Variants in ADAM29 observed in about 807,000 individuals in gnomAD.
ADAM29 encodes the protein ADAM metallopeptidase domain 29.
For synonymous variants in ADAM29, 367 were observed against 342.3 expected, an observed-to-expected ratio of 1.07 and a Z score of -0.80; for missense variants, 969 against 1,001.8, an observed-to-expected ratio of 0.97 and a Z score of 0.44.
chr4:174,949,950 C>A lies in ADAM29; in HGVS notation c.-181+12937C>A, dbSNP rs147783534. Among the ~76,000 whole-genome samples, 744 of 151,816 alleles carry A rather than the reference C, an allele frequency of 4.9e-3. 5 individuals are homozygous for A. Among genetic ancestry groups the A allele is most frequent in the African/African-American group, 0.017 (709 of 41,378 alleles). ...TTATTAACATTTCCTACATATAAAC[C>A]CCAAATTTTTCTTGAGAGTTTAAAA... On this transcript the variant is annotated intron_variant, in intron 4 of 4. Coordinates refer to ENST00000359240, the MANE Select transcript of ADAM29 (RefSeq NM_014269.4).
intron 2 of ADAM29, among the ~76,000 whole-genome samples, chr4:174,928,271 G>A (rs2110917656): frequency 6.6e-6 from 1 of 152,184 alleles, no homozygotes; most frequent in East Asian, 1.9e-4. Context: ...GGCTTTACAA[G>A]GCGAGGAACA....
intron 4 of ADAM29, among the ~76,000 whole-genome samples, chr4:174,965,589 A>C (rs537371384): frequency 6.6e-6 from 1 of 152,196 alleles, no homozygotes; most frequent in South Asian, 2.1e-4. Context: ...GTTAATTATA[A>C]GAAATTGGCT....
At chr4:174,954,237 A>G (rs1745360417) in intron 4 of ADAM29, among the ~76,000 whole-genome samples, 1 of 152,096 alleles carries the variant, frequency 6.6e-6, no homozygotes, top group African/African-American at 2.4e-5. Context: ...CTAAATTCTT[A>G]TAATCAGTCC....
intron 4 of ADAM29, among the ~76,000 whole-genome samples, chr4:174,970,197 AT>A (rs33969180): frequency 0.092 from 13,957 of 152,172 alleles, 2,084 homozygotes; most frequent in African/African-American, 0.32. Flanking sequence ...GGGTGGAATA[AT>A]TGTCTCCCAG....
chr4:174,931,465 G>A (rs376980507), intron 3 of ADAM29: 1 of 151,914 alleles, frequency 6.6e-6, no homozygotes, highest in African/African-American at 2.4e-5. Context: ...CTCTTCTATC[G>A]AATATATCCT....
chr4:174,943,718 TTCGTCCTG>T (rs1185350925), intron 4 of ADAM29, among the ~76,000 whole-genome samples: 1 of 152,144 alleles, frequency 6.6e-6, no homozygotes, highest in Non-Finnish European at 1.5e-5. Flanking sequence ...AGGACCTTCT[TTCGTCCTG>T]AATTGGTTTG....
intron 2 of ADAM29, among the ~76,000 whole-genome samples, chr4:174,928,175 T>G (rs1341534464): frequency 6.6e-6 from 1 of 152,164 alleles, no homozygotes; most frequent in Non-Finnish European, 1.5e-5. Flanking sequence ...GACAGCTGAG[T>G]TCAGGCAAGC....
chr4:174,970,422 A>G (rs964476944), intron 4 of ADAM29, among the ~76,000 whole-genome samples: 2 of 152,076 alleles, frequency 1.3e-5, no homozygotes, highest in African/African-American at 4.8e-5. Context: ...GTGATATGAG[A>G]ATGATTTGAC....
chr4:174,944,427 TG>T (rs1424605327), intron 4 of ADAM29, among the ~76,000 whole-genome samples: 1 of 152,206 alleles, frequency 6.6e-6, no homozygotes, highest in African/African-American at 2.4e-5. Flanking sequence ...TTTCCATGCA[TG>T]GGTGGAATAT....
intron 3 of ADAM29, among the ~76,000 whole-genome samples, chr4:174,933,032 G>A (rs1743991023): frequency 2.0e-5 from 3 of 152,132 alleles, no homozygotes; most frequent in African/African-American, 7.2e-5. Flanking sequence ...TTCCTTAACT[G>A]GCAGAGAGTG....
At chr4:174,972,464 A>G (rs754010987) in intron 4 of ADAM29, among the ~76,000 whole-genome samples, 2 of 152,100 alleles carry the variant, frequency 1.3e-5, no homozygotes, top group Non-Finnish European at 2.9e-5. Flanking sequence ...ACCAGTCCAA[A>G]CTACCATTTC....
At chr4:174,943,613 G>T (rs1166011712) in intron 4 of ADAM29, among the ~76,000 whole-genome samples, 1 of 152,074 alleles carries the variant, frequency 6.6e-6, no homozygotes, top group Non-Finnish European at 1.5e-5. Context: ...CCACCCCCAT[G>T]ATCCAACCAC....
chr4:174,970,897 T>C (rs566896064), intron 4 of ADAM29, among the ~76,000 whole-genome samples: 99 of 152,218 alleles, frequency 6.5e-4, no homozygotes, highest in African/African-American at 2.3e-3. Flanking sequence ...TGAATTTTGT[T>C]TGTCTTTATT....
chr4:174,970,630 A>G (rs1746420837), intron 4 of ADAM29, among the ~76,000 whole-genome samples: 1 of 152,156 alleles, frequency 6.6e-6, no homozygotes, highest in South Asian at 2.1e-4. Context: ...CTATAAGGTA[A>G]TACATTTGTG....
At chr4:174,951,954 G>A (rs1231864238) in intron 4 of ADAM29, among the ~76,000 whole-genome samples, 1 of 151,986 alleles carries the variant, frequency 6.6e-6, no homozygotes, top group East Asian at 1.9e-4. Context: ...TGTGCATCAC[G>A]GTGACTATAA....
At chr4:174,970,279 A>C (rs1350596353) in intron 4 of ADAM29, among the ~76,000 whole-genome samples, 3 of 152,154 alleles carry the variant, frequency 2.0e-5, no homozygotes, top group Non-Finnish European at 4.4e-5. Flanking sequence ...TTAAGGTTGC[A>C]GATGGAATCA....
intron 2 of ADAM29, among the ~76,000 whole-genome samples, chr4:174,926,165 T>C (rs990064802): frequency 5.9e-5 from 9 of 152,158 alleles, no homozygotes; most frequent in African/African-American, 1.9e-4. Context: ...CCCTAAATAT[T>C]TAACCTGGTT....
chr4:174,926,478 T>C (rs1467642518), intron 2 of ADAM29, among the ~76,000 whole-genome samples: 3 of 152,158 alleles, frequency 2.0e-5, no homozygotes, highest in African/African-American at 7.2e-5. Context: ...ATTAAAATAC[T>C]AGTTTTTAAA....
At chr4:174,968,341 CG>C (rs949615761) in intron 4 of ADAM29, among the ~76,000 whole-genome samples, 11 of 152,076 alleles carry the variant, frequency 7.2e-5, no homozygotes, top group African/African-American at 2.7e-4. Context: ...CAGACTACAT[CG>C]GGGAAGGATT....
Sources: allele counts gnomAD v4.1 joint callset (sites outside exome capture counted in the v4.1 genomes callset), GRCh38; gene constraint gnomAD v4.1.1; transcripts MANE v1.5; gene names NCBI Gene and HGNC (gene_info 2026-07-23, HGNC 2026-07-21).